The following CEP104 variants were observed in gnomAD, a reference collection of about 807,000 sequenced individuals.
CEP104 encodes the protein centrosomal protein of 104 kDa.
A neutral mutation model predicts 113.3 loss-of-function variants in CEP104; 84 were observed. The observed-to-expected ratio is 0.74, with a 90% CI of 0.62 to 0.89. CEP104 has a LOEUF of 0.89. CEP104 is among the 40% of genes least tolerant of loss of function. The pLI, the probability that CEP104 is intolerant of heterozygous loss-of-function variation, is 0.00. For synonymous variants in CEP104, 378 were observed against 421.7 expected, an observed-to-expected ratio of 0.90 and a Z score of 1.27; for missense variants, 1,053 against 1,156.6, an observed-to-expected ratio of 0.91 and a Z score of 1.30.
Position 3,845,290 on chromosome 1 carries a change from G to C in CEP104, c.488C>G (p.Thr163Ser). The C allele has an allele frequency of 1.3e-6, 2 of 1,597,368 alleles. No individual in the cohort carries two copies. Among genetic ancestry groups the C allele is most frequent in the Non-Finnish European group, 1.7e-6 (2 of 1,167,008 alleles). ...GGAATTAAAACTTTCCAAACTTACA[G>C]TATTGCTTTCATCACTGAAATCTGC... ...DPADFSDESNTASREKLIDHY... is the reference protein window; with the variant it reads ...DPADFSDESNSASREKLIDHY... Residue 163 changes from threonine (T) to serine (S), a missense_variant and splice_region_variant, in exon 5 of 22, where the codon ACT becomes AGT. Transcript: ENST00000378230.
In CEP104 at chr1:3,846,011, A is replaced by G. The variant is rs1000359735; in HGVS notation, c.427-660T>C. ...GGAGAATTGTTTGAACCTGTGAGAC[A>G]GAGGTTGCAGTGAGCCGAGATTGCA... On this transcript the variant is annotated intron_variant, in intron 4 of 21. Coordinates refer to ENST00000378230, the MANE Select transcript of CEP104 (RefSeq NM_014704.4). 2.7e-5 allele frequency among the ~76,000 whole-genome samples: 4 copies of G among 150,022 alleles called. No homozygotes were observed. The East Asian group carries it at 5.9e-4, about 22-fold the overall frequency.
intron 3 of CEP104, chr1:3,847,817 A>G (rs1053239264): frequency 5.3e-6 from 3 of 564,438 alleles, no homozygotes; most frequent in East Asian, 6.3e-5. Context: ...CTCAAATTCT[A>G]ATTAGTATTC....
Position 3,845,306 on chromosome 1 carries a change from T to G in CEP104, c.472A>C (p.Ser158Arg). Residue 158 changes from serine to arginine, a missense_variant, in exon 5 of 22, where the codon AGT (serine) becomes CGT (arginine). Coordinates refer to ENST00000378230, the MANE Select transcript of CEP104 (RefSeq NM_014704.4). ...INIIGDPADF[S>R]DESNTASREK... Reference sequence around the variant, plus strand: ...AAACTTACAGTATTGCTTTCATCACTGAAATCTGCAGGGTCTCCAATGATA... The same window carrying G: ...AAACTTACAGTATTGCTTTCATCACGGAAATCTGCAGGGTCTCCAATGATA... The G allele has an allele frequency of 1.2e-6, 2 of 1,608,110 alleles. No individual in the cohort carries two copies. The highest frequency in any genetic ancestry group is 4.5e-5 in the East Asian group (2 of 44,820).
intron 20 of CEP104, among the ~76,000 whole-genome samples, chr1:3,820,391 T>C (rs1167642359): frequency 2.0e-5 from 3 of 152,004 alleles, no homozygotes; most frequent in African/African-American, 7.2e-5. Flanking sequence ...GGGGAAAAGA[T>C]GTATGTGCAG....
rs1177212158 is a variant in CEP104 at position 3,819,122 on chromosome 1, T to C, written c.2572-2752A>G. On this transcript the variant is annotated intron_variant, in intron 20 of 21. Coordinates refer to ENST00000378230, the MANE Select transcript of CEP104 (RefSeq NM_014704.4). This position sits in a 1 kb window ranked among gnomAD's most constrained non-coding sequence, Gnocchi z 4.6. ...TAGCACAAAAGGACTTTAAAGCAGATACCTAGTATGTTCAAGGACTTGAAC... is the reference window on the plus strand; with the variant it reads ...TAGCACAAAAGGACTTTAAAGCAGACACCTAGTATGTTCAAGGACTTGAAC... Among the ~76,000 whole-genome samples the C allele has an allele frequency of 2.6e-5, 4 of 152,204 alleles. No homozygotes were observed. Among genetic ancestry groups the C allele is most frequent in the East Asian group, 3.9e-4 (2 of 5,190 alleles).
chr1:3,836,251 A>C (rs1265293676), intron 10 of CEP104, among the ~76,000 whole-genome samples: 2 of 149,976 alleles, frequency 1.3e-5, no homozygotes, highest in Non-Finnish European at 2.9e-5. Context: ...GCTTGCAGTG[A>C]GCGGAGATCT....
At chr1:3,846,138 A>G (rs1644502962) in intron 4 of CEP104, among the ~76,000 whole-genome samples, 1 of 152,118 alleles carries the variant, frequency 6.6e-6, no homozygotes, top group African/African-American at 2.4e-5. Flanking sequence ...AAAACTCCCA[A>G]AGTTTTAACA....
At chr1:3,826,089 A>G (rs1644085363) in intron 17 of CEP104, among the ~76,000 whole-genome samples, 4 of 152,178 alleles carry the variant, frequency 2.6e-5, no homozygotes, top group Admixed American at 2.6e-4. Context: ...GCACGATAGG[A>G]AAGTCCTCAC....
At chr1:3,825,459 G>A (rs114109393) in intron 18 of CEP104, among the ~76,000 whole-genome samples, 92 of 152,234 alleles carry the variant, frequency 6.0e-4, no homozygotes, top group African/African-American at 2.0e-3. Context: ...ACATGGTTCC[G>A]TTTCTACAAA....
rs1391939003 is a variant in CEP104 at position 3,834,935 on chromosome 1, A to G, written c.1475T>C (p.Ile492Thr). The change falls in exon 11 of 22, where the codon ATT becomes ACT. Residue 492 changes from isoleucine to threonine, a missense_variant. Physicochemically the swap from Ile to Thr is moderately conservative, Grantham distance 89 (BLOSUM62 -1). Transcript: ENST00000378230. ...GCTGAGGGCACTCACGGAGGTCACA[A>G]TGTCCTTTATGGCTCTTCTAACGAG... is the stretch of plus-strand genomic sequence containing the variant. ...VFLVRRAIKDIVTSVFQASLK... is the reference protein window; with the variant it reads ...VFLVRRAIKDTVTSVFQASLK... The G allele has an allele frequency of 1.3e-6, 2 of 1,591,308 alleles. No homozygotes were observed. Among genetic ancestry groups the G allele is most frequent in the African/African-American group, 1.3e-5 (1 of 74,676 alleles).
chr1:3,830,078 A>C (rs1644172933), intron 13 of CEP104, 81 bp from the exon 14 acceptor site: 1 of 1,002,632 alleles, frequency 1.0e-6, no homozygotes, highest in Non-Finnish European at 1.5e-6. Context: ...TACATTATAA[A>C]CATGTGAAAA....
intron 2 of CEP104, among the ~76,000 whole-genome samples, chr1:3,851,887 C>T (rs750658100): frequency 6.6e-6 from 1 of 152,118 alleles, no homozygotes; most frequent in Non-Finnish European, 1.5e-5. Flanking sequence ...AGCTTGGTGT[C>T]ATATAAAAAC....
rs1396504819 is a variant in CEP104, at chr1:3,831,183, T to C, written c.1699A>G (p.Ile567Val). The change falls in exon 13 of 22, where the codon ATT becomes GTT. Residue 567 changes from isoleucine to valine, a missense_variant. Transcript: ENST00000378230. ...LFKEVKSLQI[I>V]PSYLVQPLKA... ...AATGGCTGCACCAGGTAGGATGGAA[T>C]AATTTGGAGAGACTTAACTTCTTTA... is the stretch of plus-strand genomic sequence containing the variant. 1 of 1,614,208 alleles carries C rather than the reference T, an allele frequency of 6.2e-7. No homozygotes were observed. Among genetic ancestry groups the C allele is most frequent in the South Asian group, 1.1e-5 (1 of 91,086 alleles).
Position 3,847,803 on chromosome 1 carries a change from A to G in CEP104, c.288-190T>C, listed in dbSNP as rs999412359. Reference sequence around the variant, plus strand: ...AATGAAAAACCTAGGAAAAACCCCTAGAACTCAAATTCTAATTAGTATTCT... The same window carrying G: ...AATGAAAAACCTAGGAAAAACCCCTGGAACTCAAATTCTAATTAGTATTCT... On this transcript the variant is annotated intron_variant, in intron 3 of 21. Coordinates refer to ENST00000378230, the MANE Select transcript of CEP104 (RefSeq NM_014704.4). The G allele has an allele frequency of 4.4e-5, 26 of 589,170 alleles. No individual in the cohort carries two copies. In the South Asian group the frequency reaches 5.1e-4, roughly 12 times the overall value. 36.5% of individuals were successfully genotyped at this position (589,170 alleles called of 1,614,324 possible).
intron 13 of CEP104, 150 bp downstream of exon 13, chr1:3,830,896 G>T (rs1375152935): frequency 2.7e-5 from 20 of 741,378 alleles, no homozygotes; most frequent in Non-Finnish European, 3.2e-5. Context: ...GCATGTGGGG[G>T]CCCCCATTTG....
chr1:3,818,489 C>A (rs998419278), intron 20 of CEP104, among the ~76,000 whole-genome samples: 2 of 152,326 alleles, frequency 1.3e-5, no homozygotes, highest in African/African-American at 4.8e-5. Flanking sequence ...CAGAATCTGA[C>A]CACTTCTCGC....
chr1:3,854,610 A>C (rs1397122516), intron 1 of CEP104, among the ~76,000 whole-genome samples: 1 of 149,182 alleles, frequency 6.7e-6, no homozygotes, highest in African/African-American at 2.5e-5. Context: ...CTGGGATTAC[A>C]GGCATGCACC....
chr1:3,845,336 T>C lies in CEP104; in HGVS notation c.442A>G (p.Ile148Val). The C allele has an allele frequency of 1.2e-6, 2 of 1,607,434 alleles. No homozygotes were observed. Among genetic ancestry groups the C allele is most frequent in the South Asian group, 1.1e-5 (1 of 90,520 alleles). The change falls in exon 5 of 22, where the codon ATA (isoleucine) becomes GTA (valine). Residue 148 changes from isoleucine to valine, a missense_variant. Physicochemically the swap from Ile to Val is conservative, Grantham distance 29. Transcript: ENST00000378230. ...NIYNQVALVA[I>V]NIIGDPADFS... ...TCTGCAGGGTCTCCAATGATATTTA[T>C]GGCAACCAAAGCAACCTAAGAAAGT...
chr1:3,831,086 C>T lies in CEP104; in HGVS notation c.1796G>A (p.Gly599Asp), dbSNP rs752102023. The change falls in exon 13 of 22, where the codon GGC becomes GAC. Residue 599 changes from glycine (G) to aspartate (D), a missense_variant. Coordinates refer to ENST00000378230, the MANE Select transcript of CEP104 (RefSeq NM_014704.4). ...AATGGTGAAGCCCGAGCTGCCAGTG[C>T]CCAGGTCTTTCAGCAGCCGGGCCAG... ...GLLARLLKDL[G>D]TGSSGFTIDN... is the part of the protein sequence containing the mutation. 7.4e-6 allele frequency: 12 copies of T among 1,614,020 alleles called. No homozygotes were observed. Among genetic ancestry groups the T allele is most frequent in the Admixed American group, 1.7e-5 (1 of 60,014 alleles).
Sources: allele counts gnomAD v4.1 joint callset (sites outside exome capture counted in the v4.1 genomes callset), GRCh38; gene constraint gnomAD v4.1.1; non-coding constraint Gnocchi (gnomAD v3.1); transcripts MANE v1.5; gene names NCBI Gene and HGNC (gene_info 2026-07-23, HGNC 2026-07-21).